OS9: variants seen among roughly 807,000 people sequenced by gnomAD.
OS9 encodes the protein OS9 endoplasmic reticulum lectin, also known as protein OS-9.
In OS9, 58 loss-of-function variants were observed where a neutral mutation model predicts 84.7. That is an observed-to-expected ratio of 0.68 (90% CI 0.55 to 0.85). The LOEUF (loss-of-function observed/expected upper bound fraction) is 0.85. Among genes scored for constraint, OS9 ranks in the 40% least tolerant of loss-of-function variants. The probability of loss-of-function intolerance (pLI) is 0.00; values close to 1 mark genes in which losing one functional copy is unlikely to be tolerated. For missense variants in OS9, 760 were observed against 850.9 expected (o/e 0.89, Z 1.33); for synonymous variants, 278 against 320.8 (o/e 0.87, Z 1.43).
intron 11 of OS9, 141 bp downstream of exon 11, chr12:57,718,562 A>C: frequency 2.3e-6 from 2 of 869,736 alleles, no homozygotes; most frequent in Non-Finnish European, 3.5e-6. Flanking sequence ...TCCCTAATTA[A>C]TCGGGGCTGT....
Position 57,719,076 on chromosome 12 carries a change from CAAACTCATCAAAAGACTGGAGGAA to C in OS9, c.1499_1522del (p.Leu500_Lys507del). The C allele has an allele frequency of 6.2e-7, 1 of 1,614,022 alleles. No individual in the cohort carries two copies. The highest frequency in any genetic ancestry group is 8.5e-7 in the Non-Finnish European group (1 of 1,179,940). On this transcript the variant is annotated inframe_deletion, in exon 12 of 15. Coordinates refer to ENST00000315970, the MANE Select transcript of OS9 (RefSeq NM_006812.4). Reference sequence around the variant, plus strand: ...TGCTGGCTCTCACATCCACTCTCAACAAACTCATCAAAAGACTGGAGGAAAAACAGAGTCCAGAGCTGGTGAAGA... The same window carrying C: ...TGCTGGCTCTCACATCCACTCTCAACAAACAGAGTCCAGAGCTGGTGAAGA...
chr12:57,695,175 C>T (rs1326632533), intron 2 of OS9: 3 of 527,580 alleles, frequency 5.7e-6, no homozygotes, highest in South Asian at 4.3e-5. Flanking sequence ...TGAGGGTCTG[C>T]GTGGGGTAGG....
chr12:57,717,761 C>T (rs542862317), intron 9 of OS9, 109 bp from the exon 10 acceptor site: 25 of 783,158 alleles, frequency 3.2e-5, no homozygotes, highest in Non-Finnish European at 4.5e-5. Context: ...CCACTGTGCT[C>T]CAGCTTGGGT....
intron 7 of OS9, 80 bp downstream of exon 7, chr12:57,716,273 G>A (rs895185204): frequency 6.9e-6 from 5 of 726,394 alleles, no homozygotes; most frequent in East Asian, 5.9e-5. Flanking sequence ...TGACTGACTG[G>A]TGGGGTGGGG....
Position 57,721,064 on chromosome 12 carries a change from T to C in OS9, c.*155T>C. The C allele has an allele frequency of 1.3e-6, 1 of 793,092 alleles. No homozygotes were observed. Among genetic ancestry groups the C allele is most frequent in the South Asian group, 1.7e-5 (1 of 57,938 alleles). 49.1% of individuals were successfully genotyped at this position (793,092 alleles called of 1,614,324 possible). Reference sequence around the variant, plus strand: ...GGCAACTCTGTGGGTGTGGGGGCCCTGGGTGAATGCTGCTGCCCCTGCTGG... The same window carrying C: ...GGCAACTCTGTGGGTGTGGGGGCCCCGGGTGAATGCTGCTGCCCCTGCTGG... On this transcript the variant is annotated 3_prime_UTR_variant, in exon 15 of 15. Transcript: ENST00000315970.
chr12:57,695,743 A>G (rs770062964), intron 2 of OS9, 37 bp from the exon 3 acceptor site: 10 of 1,379,538 alleles, frequency 7.2e-6, no homozygotes, highest in Middle Eastern at 1.8e-4. Context: ...AGATGTCTGC[A>G]CTCCATCCCC....
At position 57,718,368 on chromosome 12, in the gene OS9, C is replaced by T. The variant is rs747045192; in HGVS notation, c.1357C>T (p.Arg453Cys). ...GCTTCCGTCAGACCGAGACCGGCTCCGTTCGGAGGTGAAGGCTGGCATGGA... is the reference window on the plus strand; with the variant it reads ...GCTTCCGTCAGACCGAGACCGGCTCTGTTCGGAGGTGAAGGCTGGCATGGA... Reference protein sequence around the residue: ...ILLPSDRDRLRSEVKAGMERE... With the variant: ...ILLPSDRDRLCSEVKAGMERE... Residue 453 changes from arginine to cysteine, a missense_variant, in exon 11 of 15, where the codon CGT becomes TGT. By Grantham distance (180) the Arg-to-Cys change is radical (BLOSUM62 -3). Coordinates refer to ENST00000315970, the MANE Select transcript of OS9 (RefSeq NM_006812.4). 4.3e-6 allele frequency: 7 copies of T among 1,614,190 alleles called. No homozygotes were observed. Among genetic ancestry groups the T allele is most frequent in the African/African-American group, 2.7e-5 (2 of 75,058 alleles).
intron 5 of OS9, among the ~76,000 whole-genome samples, chr12:57,697,508 C>A (rs143155365): frequency 4.6e-5 from 7 of 152,190 alleles, no homozygotes; most frequent in African/African-American, 1.7e-4. Context: ...AGATTTTTGG[C>A]TTGAGCAACT....
intron 5 of OS9, among the ~76,000 whole-genome samples, chr12:57,702,028 A>G (rs148194568): frequency 0.028 from 4,250 of 151,166 alleles, 155 homozygotes; most frequent in African/African-American, 0.084. Flanking sequence ...AACTCCTTAC[A>G]TTGTGATCCG....
At chr12:57,720,604 T>A in intron 14 of OS9, 86 bp downstream of exon 14, 1 of 1,285,246 alleles carries the variant, frequency 7.8e-7, no homozygotes, top group Non-Finnish European at 1.1e-6. Context: ...ATTGCTGAGC[T>A]TCCATTTCCT....
chr12:57,715,997 A>G, intron 6 of OS9, 27 bp downstream of exon 6: 1 of 1,601,842 alleles, frequency 6.2e-7, no homozygotes, highest in Non-Finnish European at 8.6e-7. Flanking sequence ...GGAGGAGAAG[A>G]CGGGGAGATA....
In OS9 at chr12:57,720,105, A is replaced by G. The variant is rs374606553; in HGVS notation, c.1607A>G (p.Asp536Gly). The G allele has an allele frequency of 7.5e-5, 121 of 1,613,334 alleles. No individual in the cohort carries two copies. Among genetic ancestry groups the G allele is most frequent in the Non-Finnish European group, 9.8e-5 (116 of 1,179,946 alleles). Reference protein sequence around the residue: ...PPPSPQPTEEDPEHRVRVRVT... With the variant: ...PPPSPQPTEEGPEHRVRVRVT... ...GTGTGTCTCCCCCTCTAAGAGGAGG[A>G]TCCTGAGCACAGAGTCCGGGTCCGG... Residue 536 changes from aspartate to glycine, a missense_variant, in exon 13 of 15, where the codon GAT becomes GGT. By Grantham distance (94) the Asp-to-Gly change is moderately conservative. Coordinates refer to ENST00000315970, the MANE Select transcript of OS9 (RefSeq NM_006812.4).
intron 5 of OS9, among the ~76,000 whole-genome samples, chr12:57,713,436 C>T (rs1225422589): frequency 6.6e-6 from 1 of 152,138 alleles, no homozygotes; most frequent in East Asian, 1.9e-4. Context: ...CGGTTTGCAT[C>T]TCCTTTTGTG....
In OS9 at chr12:57,721,167, G is replaced by C. The variant is rs1234276606; in HGVS notation, c.*258G>C. 2.4e-6 allele frequency: 1 copy of C among 424,706 alleles called. No homozygotes were observed. The highest frequency in any genetic ancestry group is 5.1e-5 in the East Asian group (1 of 19,506). 26.3% of individuals were successfully genotyped at this position (424,706 alleles called of 1,614,324 possible). ...ACTCAATCCTCTTCCTCTCCTCTGT[G>C]GCTTTTCCTGTTATTGTCCCCTAAT... On this transcript the variant is annotated 3_prime_UTR_variant, in exon 15 of 15. Transcript: ENST00000315970.
intron 5 of OS9, among the ~76,000 whole-genome samples, chr12:57,714,201 A>ATGTT (rs1330337761): frequency 2.6e-5 from 4 of 151,856 alleles, no homozygotes; most frequent in African/African-American, 4.8e-5. Context: ...TAAATGCTTT[A>ATGTT]TGTTTGTTTG....
rs555379828 is a variant in OS9, at chr12:57,717,988, AC to A, written c.1134+33del. 1,770 of 1,577,834 alleles carry A rather than the reference AC, an allele frequency of 1.1e-3. 13 individuals are homozygous for A. In the African/African-American group the frequency reaches 0.021, roughly 19 times the overall value. On this transcript the variant is annotated intron_variant, in intron 10 of 14. Transcript: ENST00000315970. ...AGGCCGTGCTTAGGGAATGGGTAGA[AC>A]CCACCTCCCAACTGCGAGCATTTGA...
chr12:57,717,653 T>C (rs1399383147), intron 9 of OS9, among the ~76,000 whole-genome samples: 1 of 150,762 alleles, frequency 6.6e-6, no homozygotes, highest in Non-Finnish European at 1.5e-5. Flanking sequence ...ATTAGCTGGG[T>C]GTGGTGGCAG....
intron 5 of OS9, among the ~76,000 whole-genome samples, chr12:57,698,535 C>T (rs1014066528): frequency 2.0e-5 from 3 of 152,138 alleles, no homozygotes; most frequent in African/African-American, 4.8e-5. Context: ...AAGTGCAGCC[C>T]GCAGGGGAGC....
In OS9 at chr12:57,694,941, G is replaced by A. The variant is rs751844885; in HGVS notation, c.339+15G>A. On this transcript the variant is annotated intron_variant, in intron 2 of 14. Transcript: ENST00000315970. ...GCTTGCTGAAGGTGAAAGGGACTGG[G>A]TTAGATAGAATGAGGGCTTGGAAAC... 2 of 1,612,672 alleles carry A rather than the reference G, an allele frequency of 1.2e-6. No individual in the cohort carries two copies. Among genetic ancestry groups the A allele is most frequent in the East Asian group, 4.5e-5 (2 of 44,860 alleles).
Sources: gnomAD v4.1 joint callset for allele counts (sites outside exome capture counted in the v4.1 genomes callset) on GRCh38, gnomAD v4.1.1 for gene constraint, MANE v1.5 for transcripts, NCBI Gene and HGNC (gene_info 2026-07-23, HGNC 2026-07-21) for gene names.